The following CADPS variants were observed in gnomAD, a reference collection of about 807,000 sequenced individuals.
CADPS encodes the protein calcium-dependent secretion activator 1.
CADPS carries 57 observed loss-of-function variants against 167.3 expected under a neutral mutation model. The observed-to-expected ratio is 0.34, with a 90% CI of 0.28 to 0.42. The LOEUF is 0.42. CADPS is among the 20% of genes least tolerant of loss of function. CADPS has a pLI of 1.00. For missense variants in CADPS, 1,414 were observed against 1,738.1 expected (o/e 0.81, Z 3.32); for synonymous variants, 676 against 635.3 (o/e 1.06, Z -0.96).
chr3:62,791,706 GAAA>G (rs35945977), intron 1 of CADPS, among the ~76,000 whole-genome samples: 1 of 152,282 alleles, frequency 6.6e-6, no homozygotes, highest in Admixed American at 6.5e-5. Context: ...CAGGAAAACG[GAAA>G]AGATATAGGA....
rs532906419 is a variant in CADPS at position 62,830,299 on chromosome 3, C to T, written c.441+44290G>A. 4.1e-4 allele frequency among the ~76,000 whole-genome samples: 62 copies of T among 152,158 alleles called. No homozygotes were observed. The South Asian group carries it at 4.4e-3, about 11-fold the overall frequency. ...AAGCAAGTAATCAAAGTTGCTTTTC[C>T]GGGTTTTGACATTTTTACAAATCAG... On this transcript the variant is annotated intron_variant, in intron 1 of 29. Transcript: ENST00000383710.
chr3:62,779,739 A>C (rs571077039), intron 1 of CADPS: 1 of 362,090 alleles, frequency 2.8e-6, no homozygotes, highest in African/African-American at 2.1e-5. Flanking sequence ...CTAAGGTCCA[A>C]GGAAGATGTA....
At chr3:62,772,278 C>T (rs2089063894) in intron 1 of CADPS, among the ~76,000 whole-genome samples, 1 of 152,064 alleles carries the variant, frequency 6.6e-6, no homozygotes, top group East Asian at 1.9e-4. Flanking sequence ...TCTTTCTTGG[C>T]CCTTCTAGTT....
intron 1 of CADPS, among the ~76,000 whole-genome samples, chr3:62,786,298 T>C (rs1483321997): frequency 6.6e-6 from 1 of 152,126 alleles, no homozygotes. Flanking sequence ...AATTTAAAAG[T>C]AGAAACTCTT....
At chr3:62,652,055 T>C (rs1287566930) in intron 4 of CADPS, among the ~76,000 whole-genome samples, 1 of 152,116 alleles carries the variant, frequency 6.6e-6, no homozygotes, top group Non-Finnish European at 1.5e-5. Flanking sequence ...TTGGCTTTGG[T>C]TCCTCTGGGG....
intron 6 of CADPS, among the ~76,000 whole-genome samples, chr3:62,622,425 C>A (rs2063341179): frequency 6.6e-6 from 1 of 152,108 alleles, no homozygotes; most frequent in Non-Finnish European, 1.5e-5. Context: ...TAAAGCTGAA[C>A]AATCAGGCCC....
Position 62,544,845 on chromosome 3 carries a change from T to C in CADPS, c.1966+5058A>G. The C allele has an allele frequency of 1.6e-6, 2 of 1,245,696 alleles. No individual in the cohort carries two copies. Among genetic ancestry groups the C allele is most frequent in the Non-Finnish European group, 1.0e-6 (1 of 968,342 alleles). 77.2% of individuals were successfully genotyped at this position (1,245,696 alleles called of 1,614,324 possible). A position where few individuals can be genotyped will look rare whatever the true frequency, so the allele number is the denominator to read the frequency against. ...GCTGTGCTAGCTATAGGGGAGCACT[T>C]ACCCTTCAGTCCAGCTAGAAGTTAG... On this transcript the variant is annotated intron_variant, in intron 11 of 29. Transcript: ENST00000383710. This position sits in a 1 kb window ranked among gnomAD's most constrained non-coding sequence, Gnocchi z 4.4.
At chr3:62,487,034 T>A (rs758740643) in intron 21 of CADPS, among the ~76,000 whole-genome samples, 3 of 152,206 alleles carry the variant, frequency 2.0e-5, no homozygotes, top group Non-Finnish European at 2.9e-5. Context: ...GAAAGCCACT[T>A]TTGCCCCATC....
chr3:62,521,802 C>T (rs560845191), intron 13 of CADPS, among the ~76,000 whole-genome samples: 4 of 152,276 alleles, frequency 2.6e-5, no homozygotes, highest in South Asian at 4.1e-4. Context: ...TGGCCACTCT[C>T]GTGTGAGGGT....
intron 6 of CADPS, among the ~76,000 whole-genome samples, chr3:62,599,154 G>T (rs2059327748): frequency 1.3e-5 from 2 of 151,848 alleles, no homozygotes; most frequent in African/African-American, 4.8e-5. Flanking sequence ...GACCAGAGGT[G>T]GATAATATTT....
At chr3:62,652,420 A>T (rs1056875779) in intron 4 of CADPS, among the ~76,000 whole-genome samples, 13 of 149,852 alleles carry the variant, frequency 8.7e-5, no homozygotes, top group South Asian at 2.1e-4. Flanking sequence ...AAAAAAAAAA[A>T]AAATAAGCTG....
At chr3:62,839,194 A>G (rs533572025) in intron 1 of CADPS, among the ~76,000 whole-genome samples, 1 of 151,954 alleles carries the variant, frequency 6.6e-6, no homozygotes, top group South Asian at 2.1e-4. Context: ...GTCAGGGACT[A>G]TTTTGTTGTT....
At chr3:62,531,397 CAT>C (rs2073652693) in intron 13 of CADPS, among the ~76,000 whole-genome samples, 1 of 152,130 alleles carries the variant, frequency 6.6e-6, no homozygotes, top group African/African-American at 2.4e-5. Context: ...TAGCAAACCT[CAT>C]AACAATGGGA....
chr3:62,863,897 G>C (rs1413066471), intron 1 of CADPS, among the ~76,000 whole-genome samples: 1 of 152,194 alleles, frequency 6.6e-6, no homozygotes, highest in Admixed American at 6.5e-5. Flanking sequence ...TAAGGGGAAA[G>C]AATCTGGATG....
Position 62,478,514 on chromosome 3 carries a change from G to A in CADPS, c.3174-98C>T. On this transcript the variant is annotated intron_variant, in intron 22 of 29. Transcript: ENST00000383710. This position sits in a 1 kb window ranked among gnomAD's most constrained non-coding sequence, Gnocchi z 5.7. Reference sequence around the variant, plus strand: ...ACTGGGGGCTAGAAGGCAAACAGCAGCTTCAACATACAAAACAACGTGTGT... The same window carrying A: ...ACTGGGGGCTAGAAGGCAAACAGCAACTTCAACATACAAAACAACGTGTGT... The A allele has an allele frequency of 8.9e-7, 1 of 1,129,310 alleles. No individual in the cohort carries two copies. The highest frequency in any genetic ancestry group is 1.4e-5 in the South Asian group (1 of 69,378). 70.0% of individuals were successfully genotyped at this position (1,129,310 alleles called of 1,614,324 possible).
intron 24 of CADPS, among the ~76,000 whole-genome samples, chr3:62,467,109 A>AC (rs1232208983): frequency 1.3e-5 from 2 of 152,102 alleles, no homozygotes; most frequent in Admixed American, 1.3e-4. Flanking sequence ...GTGAAGACAA[A>AC]CCCCCACACA....
At chr3:62,555,672 G>A (rs1027374184) in intron 10 of CADPS, among the ~76,000 whole-genome samples, 4 of 152,182 alleles carry the variant, frequency 2.6e-5, no homozygotes, top group African/African-American at 9.7e-5. Flanking sequence ...ATTGTCATAA[G>A]GTGGTATTGA....
At chr3:62,499,064 G>T in intron 18 of CADPS, 98 bp downstream of exon 18, 1 of 639,888 alleles carries the variant, frequency 1.6e-6, no homozygotes, top group Non-Finnish European at 2.8e-6. Context: ...AAAAGAAAAT[G>T]GGTGTTAAGG....
At chr3:62,426,705 T>C (rs1246638595) in intron 28 of CADPS, among the ~76,000 whole-genome samples, 1 of 152,142 alleles carries the variant, frequency 6.6e-6, no homozygotes, top group Admixed American at 6.5e-5. Context: ...GAATTAAACT[T>C]AGAAATGTCT....
Sources: gnomAD v4.1 joint callset for allele counts (sites outside exome capture counted in the v4.1 genomes callset) on GRCh38, gnomAD v4.1.1 for gene constraint, Gnocchi (gnomAD v3.1) non-coding constraint, MANE v1.5 for transcripts, NCBI Gene and HGNC (gene_info 2026-07-23, HGNC 2026-07-21) for gene names.